SSBP3: variants seen among roughly 807,000 people sequenced by gnomAD.
The protein encoded by SSBP3 is single stranded DNA binding protein 3.
In SSBP3, 5 loss-of-function variants were observed where a neutral mutation model predicts 69.6. The ratio of observed to expected loss-of-function variants is 0.07; its 90% CI spans 0.04 to 0.15. The LOEUF (loss-of-function observed/expected upper bound fraction) is 0.15, where lower values mean the gene tolerates loss of function less well. Ranked by LOEUF, SSBP3 falls within the 10% of genes least tolerant of loss-of-function variation. SSBP3 has a pLI of 1.00. For synonymous variants in SSBP3, 196 were observed against 193.4 expected, an observed-to-expected ratio of 1.01 and a Z score of -0.11; for missense variants, 312 against 534.0, an observed-to-expected ratio of 0.58 and a Z score of 4.10.
intron 5 of SSBP3, among the ~76,000 whole-genome samples, chr1:54,269,435 G>C (rs1288406682): frequency 6.6e-6 from 1 of 152,174 alleles, no homozygotes; most frequent in Non-Finnish European, 1.5e-5. Flanking sequence ...GGACACTATG[G>C]TCCAGGAAGG....
chr1:54,292,486 G>A (rs1370957678), intron 4 of SSBP3, among the ~76,000 whole-genome samples: 6 of 152,104 alleles, frequency 3.9e-5, no homozygotes, highest in Non-Finnish European at 8.8e-5. Context: ...CAGCTGCCCT[G>A]GCCACTGTGA....
At chr1:54,317,943 T>C (rs1473684232) in intron 4 of SSBP3, among the ~76,000 whole-genome samples, 1 of 152,172 alleles carries the variant, frequency 6.6e-6, no homozygotes, top group African/African-American at 2.4e-5. Context: ...TTTTTTTGTA[T>C]TTTTAGTAGA....
intron 3 of SSBP3, among the ~76,000 whole-genome samples, 184 bp from the exon 4 acceptor site, chr1:54,402,129 C>T (rs951609380): frequency 6.6e-6 from 1 of 152,236 alleles, no homozygotes; most frequent in African/African-American, 2.4e-5. Context: ...GCAAGCCAGC[C>T]ATTAGTAATG....
intron 7 of SSBP3, 89 bp from the exon 8 acceptor site, chr1:54,251,949 G>T: frequency 1.8e-6 from 2 of 1,103,800 alleles, no homozygotes; most frequent in Non-Finnish European, 2.7e-6. Context: ...CCAGTGCCCC[G>T]TGTGATCACG....
chr1:54,306,410 G>A (rs1645902602), intron 4 of SSBP3, among the ~76,000 whole-genome samples: 1 of 152,146 alleles, frequency 6.6e-6, no homozygotes. Flanking sequence ...CTCATTACTG[G>A]CAAAGACTGG....
At position 54,385,350 on chromosome 1, in the gene SSBP3, T is replaced by C. The variant is rs149674515; in HGVS notation, c.276+16511A>G. On this transcript the variant is annotated intron_variant, in intron 4 of 17. Transcript: ENST00000610401. ...CCCCTGCTCCCCACCAAAAACAGAC[T>C]TCAGGAAGAAAATGAATCAAGTTTT... Among the ~76,000 whole-genome samples, 55 of 152,246 alleles carry C rather than the reference T, an allele frequency of 3.6e-4. No individual in the cohort carries two copies. In the East Asian group the frequency reaches 9.5e-3, roughly 26 times the overall value.
At chr1:54,287,969 C>T (rs1645522355) in intron 4 of SSBP3, among the ~76,000 whole-genome samples, 1 of 152,116 alleles carries the variant, frequency 6.6e-6, no homozygotes, top group South Asian at 2.1e-4. Flanking sequence ...GACACAAGAT[C>T]CCTGCCTTCA....
intron 5 of SSBP3, among the ~76,000 whole-genome samples, chr1:54,279,365 T>C (rs969708785): frequency 2.6e-5 from 4 of 152,204 alleles, no homozygotes; most frequent in African/African-American, 9.6e-5. Flanking sequence ...ATGTCTGGAA[T>C]TAGGCCTTAG....
intron 4 of SSBP3, among the ~76,000 whole-genome samples, chr1:54,344,133 C>T (rs1646652413): frequency 6.6e-6 from 1 of 152,018 alleles, no homozygotes; most frequent in Admixed American, 6.5e-5. Flanking sequence ...CTGACATTAC[C>T]CTACTGGACT....
At chr1:54,395,149 G>GGA (rs1648775991) in intron 4 of SSBP3, among the ~76,000 whole-genome samples, 1 of 152,036 alleles carries the variant, frequency 6.6e-6, no homozygotes, top group African/African-American at 2.4e-5. Context: ...AAAGAGAACA[G>GGA]TGCAAGACTC....
intron 7 of SSBP3, among the ~76,000 whole-genome samples, chr1:54,256,484 C>T (rs1644923005): frequency 1.3e-5 from 2 of 152,218 alleles, no homozygotes; most frequent in African/African-American, 4.8e-5. Flanking sequence ...GAATTGCCAA[C>T]CCTAATGGGC....
upstream of SSBP3, chr1:54,406,532 G>T (rs1199064813): frequency 6.6e-6 from 1 of 151,940 alleles, no homozygotes. Context: ...CCCTGACAGC[G>T]CCGGCCGCGG....
chr1:54,240,107 T>TGTGCGTGC (rs1553123256), intron 13 of SSBP3, among the ~76,000 whole-genome samples: 3 of 134,574 alleles, frequency 2.2e-5, no homozygotes, highest in Non-Finnish European at 4.7e-5. Context: ...CGCGTGTGCG[T>TGTGCGTGC]GCGCGCGCGC....
chr1:54,246,488 T>A (rs757125817), intron 9 of SSBP3, among the ~76,000 whole-genome samples: 1 of 152,192 alleles, frequency 6.6e-6, no homozygotes, highest in Non-Finnish European at 1.5e-5. Context: ...AAGCCTGGTA[T>A]GTCTCAGCAC....
intron 4 of SSBP3, among the ~76,000 whole-genome samples, chr1:54,327,498 AG>A (rs1477913629): frequency 6.6e-6 from 1 of 152,154 alleles, no homozygotes; most frequent in Non-Finnish European, 1.5e-5. Context: ...CTCAAGGCTC[AG>A]GGGACAGAAT....
chr1:54,315,630 C>A (rs1018777009), intron 4 of SSBP3, among the ~76,000 whole-genome samples: 1 of 151,374 alleles, frequency 6.6e-6, no homozygotes, highest in Non-Finnish European at 1.5e-5. Context: ...CTTGCTCTAT[C>A]GCCCAGGCTG....
intron 9 of SSBP3, among the ~76,000 whole-genome samples, chr1:54,247,188 C>T (rs1040245760): frequency 2.0e-5 from 3 of 152,264 alleles, no homozygotes; most frequent in Non-Finnish European, 4.4e-5. Flanking sequence ...CTGCCACATC[C>T]TCAGAAGGGC....
intron 5 of SSBP3, among the ~76,000 whole-genome samples, chr1:54,272,270 T>C (rs1193996883): frequency 6.6e-6 from 1 of 152,046 alleles, no homozygotes; most frequent in African/African-American, 2.4e-5. Context: ...CACACTGAGC[T>C]AGATGCTGGA....
rs181621843 is a variant in SSBP3, at chr1:54,343,212, G to A, written c.276+58649C>T. On this transcript the variant is annotated intron_variant, in intron 4 of 17. Transcript: ENST00000610401. ...CTACTACCATTTATGTATTGAACAC[G>A]TGATACATTCCTCGCTGCGTGTCAG... Among the ~76,000 whole-genome samples, 428 of 152,252 alleles carry A rather than the reference G, an allele frequency of 2.8e-3. 3 individuals carry two copies. Among genetic ancestry groups the A allele is most frequent in the African/African-American group, 9.6e-3 (397 of 41,532 alleles).
Sources: allele counts gnomAD v4.1 joint callset (sites outside exome capture counted in the v4.1 genomes callset), GRCh38; gene constraint gnomAD v4.1.1; transcripts MANE v1.5; gene names NCBI Gene and HGNC (gene_info 2026-07-23, HGNC 2026-07-21).